The following LRRC4C variants were observed in gnomAD, a reference collection of about 807,000 sequenced individuals.
LRRC4C encodes leucine rich repeat containing 4C, also known as leucine-rich repeat-containing protein 4C.
A neutral mutation model predicts 33.6 loss-of-function variants in LRRC4C; 5 were observed. The ratio of observed to expected loss-of-function variants is 0.15; its 90% CI spans 0.08 to 0.31. The LOEUF (loss-of-function observed/expected upper bound fraction) is 0.31. LRRC4C is among the 10% of genes least tolerant of loss of function. The pLI is 1.00. For synonymous variants in LRRC4C, 329 were observed against 302.0 expected, an observed-to-expected ratio of 1.09 and a Z score of -0.93; for missense variants, 560 against 796.7, an observed-to-expected ratio of 0.70 and a Z score of 3.58.
chr11:41,368,850 T>C (rs992524410), intron 1 of LRRC4C, among the ~76,000 whole-genome samples: 2 of 152,218 alleles, frequency 1.3e-5, no homozygotes, highest in Admixed American at 6.5e-5. Context: ...CATACTTTTT[T>C]CCCCGCATCC....
chr11:40,909,161 C>T (rs1218178889), intron 2 of LRRC4C, among the ~76,000 whole-genome samples: 1 of 152,056 alleles, frequency 6.6e-6, no homozygotes, highest in Non-Finnish European at 1.5e-5. Flanking sequence ...ATCTTGCTTT[C>T]GTGCCTGCTT....
intron 3 of LRRC4C, among the ~76,000 whole-genome samples, chr11:40,406,335 C>T (rs1331817855): frequency 1.3e-5 from 2 of 152,078 alleles, no homozygotes; most frequent in African/African-American, 2.4e-5. Flanking sequence ...TTCTTCCCTC[C>T]CATGTGTGAC....
chr11:40,146,302 AC>A, intron 5 of LRRC4C, among the ~76,000 whole-genome samples: 1 of 152,278 alleles, frequency 6.6e-6, no homozygotes, highest in Admixed American at 6.5e-5. Flanking sequence ...ACAGACACAA[AC>A]ACACTATAGA....
intron 3 of LRRC4C, among the ~76,000 whole-genome samples, chr11:40,405,630 A>C (rs918180300): frequency 2.0e-5 from 3 of 149,874 alleles, no homozygotes; most frequent in Non-Finnish European, 3.0e-5. Context: ...AAAAAAAGGA[A>C]TGTACATTGT....
In LRRC4C at chr11:41,440,394, C is replaced by G. The variant is rs1023822; in HGVS notation, c.-496+19037G>C. 2.6e-4 allele frequency among the ~76,000 whole-genome samples: 39 copies of G among 152,082 alleles called. 1 individual carries two copies. Among genetic ancestry groups the G allele is most frequent in the South Asian group, 4.1e-4 (2 of 4,820 alleles). On this transcript the variant is annotated intron_variant, in intron 1 of 6. Coordinates refer to ENST00000528697, the MANE Select transcript of LRRC4C (RefSeq NM_001258419.2). ...GGGCCAGTTACAATTTAAAAAGAAA[C>G]AGATTCCAGATATATTTTATAGGTT...
chr11:41,128,926 T>A (rs1448934796), intron 1 of LRRC4C, among the ~76,000 whole-genome samples: 2 of 152,036 alleles, frequency 1.3e-5, no homozygotes, highest in Non-Finnish European at 2.9e-5. Flanking sequence ...AACTTGAACT[T>A]ATCTTCAACG....
intron 3 of LRRC4C, among the ~76,000 whole-genome samples, chr11:40,333,717 C>CA (rs60450935): frequency 0.014 from 1,119 of 78,176 alleles, 18 homozygotes; most frequent in Admixed American, 0.017. Flanking sequence ...GACTTTGTCT[C>CA]AAAAAAAAAA....
At chr11:40,225,694 G>C (rs1396644134) in intron 5 of LRRC4C, among the ~76,000 whole-genome samples, 1 of 150,088 alleles carries the variant, frequency 6.7e-6, no homozygotes, top group East Asian at 2.0e-4. Context: ...TCGGCTCACA[G>C]CAACTTCCGC....
At chr11:40,726,874 A>C (rs570916492) in intron 2 of LRRC4C, among the ~76,000 whole-genome samples, 1 of 152,154 alleles carries the variant, frequency 6.6e-6, no homozygotes, top group Non-Finnish European at 1.5e-5. Flanking sequence ...CTCTGCCAAA[A>C]GGCTCCTCGG....
At chr11:40,640,503 T>A (rs916310813) in intron 3 of LRRC4C, among the ~76,000 whole-genome samples, 1 of 151,884 alleles carries the variant, frequency 6.6e-6, no homozygotes, top group African/African-American at 2.4e-5. Flanking sequence ...AAACTATACG[T>A]TTTCTATATA....
At chr11:40,432,716 C>CA (rs1950983589) in intron 3 of LRRC4C, among the ~76,000 whole-genome samples, 1 of 152,274 alleles carries the variant, frequency 6.6e-6, no homozygotes, top group Non-Finnish European at 1.5e-5. Flanking sequence ...TTACTTTCAT[C>CA]ACCTGATTTA....
intron 5 of LRRC4C, among the ~76,000 whole-genome samples, chr11:40,181,977 G>A (rs1861042522): frequency 6.6e-6 from 1 of 152,076 alleles, no homozygotes; most frequent in Non-Finnish European, 1.5e-5. Flanking sequence ...ATTAATGTGA[G>A]GAAATGTAAT....
intron 4 of LRRC4C, among the ~76,000 whole-genome samples, chr11:40,294,745 T>C (rs1296829397): frequency 6.6e-6 from 1 of 151,956 alleles, no homozygotes; most frequent in Non-Finnish European, 1.5e-5. Flanking sequence ...GATAATTGCT[T>C]GAACCCGGGA....
intron 2 of LRRC4C, among the ~76,000 whole-genome samples, chr11:40,691,266 G>T (rs1945208986): frequency 6.6e-6 from 1 of 151,952 alleles, no homozygotes. Context: ...CTGGTACCTG[G>T]AGAAGCACTC....
intron 1 of LRRC4C, among the ~76,000 whole-genome samples, chr11:41,154,128 C>T (rs1212053984): frequency 6.6e-6 from 1 of 152,136 alleles, no homozygotes; most frequent in Non-Finnish European, 1.5e-5. Flanking sequence ...TTTCAAGAAA[C>T]CAAGTTTGTG....
At chr11:40,710,060 T>C (rs184262912) in intron 2 of LRRC4C, among the ~76,000 whole-genome samples, 2 of 152,304 alleles carry the variant, frequency 1.3e-5, no homozygotes, top group East Asian at 3.9e-4. Context: ...AGGTCTTCTC[T>C]ACACTGTTTA....
At chr11:40,567,657 T>C (rs1483310508) in intron 3 of LRRC4C, among the ~76,000 whole-genome samples, 1 of 152,198 alleles carries the variant, frequency 6.6e-6, no homozygotes, top group Admixed American at 6.6e-5. Context: ...GACATACACT[T>C]ACTAGAAAAT....
intron 3 of LRRC4C, among the ~76,000 whole-genome samples, chr11:40,347,712 G>A (rs1041213339): frequency 3.3e-5 from 5 of 152,136 alleles, no homozygotes; most frequent in Non-Finnish European, 7.4e-5. Flanking sequence ...GGGTTCGAGC[G>A]ATTCTCCTGC....
chr11:41,234,618 AG>A lies in LRRC4C; in HGVS notation c.-496+224812del, dbSNP rs541193781. 2.9e-3 allele frequency among the ~76,000 whole-genome samples: 445 copies of A among 152,218 alleles called. 1 individual carries two copies. Among genetic ancestry groups the A allele is most frequent in the African/African-American group, 1.0e-2 (415 of 41,568 alleles). Reference sequence around the variant, plus strand: ...ATGCTTGATTTGGTGAATCTCTGGTAGAAAGGTGAGATGGATGAAAAGATTA... The same window carrying A: ...ATGCTTGATTTGGTGAATCTCTGGTAAAAGGTGAGATGGATGAAAAGATTA... On this transcript the variant is annotated intron_variant, in intron 1 of 6. Coordinates refer to ENST00000528697, the MANE Select transcript of LRRC4C (RefSeq NM_001258419.2).
Sources: gnomAD v4.1 joint callset for allele counts (sites outside exome capture counted in the v4.1 genomes callset) on GRCh38, gnomAD v4.1.1 for gene constraint, MANE v1.5 for transcripts, NCBI Gene and HGNC (gene_info 2026-07-23, HGNC 2026-07-21) for gene names.